Variants in BTBD9 observed in about 807,000 individuals in gnomAD.
The protein encoded by BTBD9 is BTB domain containing 9.
A neutral mutation model predicts 64.3 loss-of-function variants in BTBD9; 49 were observed. The observed-to-expected ratio is 0.76, with a 90% confidence interval of 0.61 to 0.97. The LOEUF (loss-of-function observed/expected upper bound fraction) is 0.97, where lower values mean the gene tolerates loss of function less well. Among genes scored for constraint, BTBD9 ranks in the 50% least tolerant of loss-of-function variants. The probability of loss-of-function intolerance (pLI) is 0.00; values close to 1 mark genes in which losing one functional copy is unlikely to be tolerated. For synonymous variants in BTBD9, 260 were observed against 274.7 expected, an observed-to-expected ratio of 0.95 and a Z score of 0.53; for missense variants, 598 against 762.1, an observed-to-expected ratio of 0.78 and a Z score of 2.53.
chr6:38,490,633 C>A (rs773984725), intron 6 of BTBD9, among the ~76,000 whole-genome samples: 9 of 152,052 alleles, frequency 5.9e-5, no homozygotes. Flanking sequence ...ACATCCAGTT[C>A]TAATGCTCAT....
intron 6 of BTBD9, among the ~76,000 whole-genome samples, chr6:38,438,248 GAGGA>G (rs201315745): frequency 1.3e-5 from 1 of 79,898 alleles, no homozygotes; most frequent in Non-Finnish European, 2.3e-5. Context: ...GGGAGGGAGG[GAGGA>G]AGGAAGGAAG....
intron 9 of BTBD9, among the ~76,000 whole-genome samples, chr6:38,198,937 C>T (rs988326723): frequency 6.6e-6 from 1 of 152,102 alleles, no homozygotes; most frequent in Non-Finnish European, 1.5e-5. Flanking sequence ...GGAATCACAC[C>T]ACAGAACCCT....
intron 7 of BTBD9, among the ~76,000 whole-genome samples, chr6:38,343,847 G>GGATTAGGTTTTAGACACAGCAGGTGTT (rs1221248185): frequency 6.6e-6 from 1 of 152,142 alleles, no homozygotes; most frequent in African/African-American, 2.4e-5. Context: ...TATAAGTAAA[G>GGATTAGGTTTTAGACACAGCAGGTGTT]GATTAGGTTT....
At chr6:38,474,301 T>C (rs1770783727) in intron 6 of BTBD9, among the ~76,000 whole-genome samples, 1 of 152,100 alleles carries the variant, frequency 6.6e-6, no homozygotes. Flanking sequence ...CGTGGGCGGA[T>C]CAACCGAGGT....
intron 7 of BTBD9, among the ~76,000 whole-genome samples, chr6:38,340,812 T>C (rs1582259073): frequency 6.6e-6 from 1 of 152,184 alleles, no homozygotes; most frequent in Non-Finnish European, 1.5e-5. Flanking sequence ...TAATCATCAA[T>C]GGATGTGAAC....
At chr6:38,611,855 C>T (rs1777627874) in intron 1 of BTBD9, among the ~76,000 whole-genome samples, 1 of 152,094 alleles carries the variant, frequency 6.6e-6, no homozygotes, top group Non-Finnish European at 1.5e-5. Flanking sequence ...TTGTATGTTT[C>T]TCATTTTTTT....
chr6:38,316,611 T>C (rs1335417532), intron 7 of BTBD9, among the ~76,000 whole-genome samples: 1 of 152,216 alleles, frequency 6.6e-6, no homozygotes, highest in Admixed American at 6.5e-5. Flanking sequence ...ACTTTTTAAC[T>C]TTCTGTGGTT....
chr6:38,292,460 G>A (rs918791098), intron 7 of BTBD9, among the ~76,000 whole-genome samples: 2 of 152,030 alleles, frequency 1.3e-5, no homozygotes, highest in Admixed American at 1.3e-4. Context: ...CTTTTTTTTG[G>A]TTGGTAGGCT....
chr6:38,587,862 T>C (rs1776610391), intron 4 of BTBD9: 1 of 721,710 alleles, frequency 1.4e-6, no homozygotes, highest in Non-Finnish European at 2.6e-6. Context: ...CAAGATGAAA[T>C]AAAAAATAAT....
At chr6:38,635,135 C>CT (rs56849074) in intron 1 of BTBD9, among the ~76,000 whole-genome samples, 47 of 146,670 alleles carry the variant, frequency 3.2e-4, no homozygotes, top group South Asian at 1.8e-3. Context: ...CCAGCTATTT[C>CT]TTTTTTTTTT....
intron 6 of BTBD9, among the ~76,000 whole-genome samples, chr6:38,484,303 G>A (rs1431493689): frequency 6.6e-6 from 1 of 152,184 alleles, no homozygotes; most frequent in African/African-American, 2.4e-5. Context: ...AATGTCTAAT[G>A]AGGATTAAAT....
chr6:38,295,078 G>A (rs959322068), intron 7 of BTBD9, among the ~76,000 whole-genome samples: 5 of 151,762 alleles, frequency 3.3e-5, no homozygotes, highest in Admixed American at 6.6e-5. Context: ...TTTTCAGGAT[G>A]CCAAGCTTTT....
intron 2 of BTBD9, among the ~76,000 whole-genome samples, chr6:38,596,898 G>C (rs1777055836): frequency 6.6e-6 from 1 of 152,128 alleles, no homozygotes; most frequent in Admixed American, 6.5e-5. Flanking sequence ...GGAAAAGTGT[G>C]CAGAGGACAG....
chr6:38,603,391 A>G (rs935653049), intron 1 of BTBD9, among the ~76,000 whole-genome samples: 2 of 152,246 alleles, frequency 1.3e-5, no homozygotes, highest in African/African-American at 4.8e-5. Context: ...TTGCCTGCTT[A>G]TTATTCAGTA....
Position 38,345,025 on chromosome 6 carries a change from A to G in BTBD9, c.1223T>C (p.Met408Thr), listed in dbSNP as rs776181098. Reference protein sequence around the residue: ...KIFHIVAFECMFTNKTFTLEK... With the variant: ...KIFHIVAFECTFTNKTFTLEK... ...AAGAGTGAAGGTTTTGTTTGTAAAC[A>G]TACATTCAAAAGCCACAATGTGAAA... The change falls in exon 7 of 11, where the codon ATG (methionine) becomes ACG (threonine). Residue 408 changes from methionine to threonine, a missense_variant. By Grantham distance (81) the Met-to-Thr change is moderately conservative (BLOSUM62 -1). Transcript: ENST00000481247. 2 of 1,610,896 alleles carry G rather than the reference A, an allele frequency of 1.2e-6. No homozygotes were observed. The highest frequency in any genetic ancestry group is 8.5e-7 in the Non-Finnish European group (1 of 1,177,798).
At chr6:38,402,831 GC>G in intron 6 of BTBD9, 2 of 701,232 alleles carry the variant, frequency 2.9e-6, no homozygotes, top group Non-Finnish European at 5.2e-6. Flanking sequence ...ACTTTGGAAG[GC>G]CAAGGAGGGA....
intron 6 of BTBD9, among the ~76,000 whole-genome samples, chr6:38,550,386 G>A (rs375438414): frequency 5.4e-5 from 8 of 148,016 alleles, no homozygotes; most frequent in African/African-American, 1.7e-4. Context: ...GTGTGATCTC[G>A]GCTCACTGCA....
intron 1 of BTBD9, among the ~76,000 whole-genome samples, chr6:38,603,596 A>C (rs1299747298): frequency 6.6e-6 from 1 of 152,256 alleles, no homozygotes; most frequent in Non-Finnish European, 1.5e-5. Context: ...ACCAGAGCTA[A>C]CTACATTTTT....
chr6:38,522,715 T>TC (rs1282628093), intron 6 of BTBD9, among the ~76,000 whole-genome samples: 30 of 152,200 alleles, frequency 2.0e-4, no homozygotes, highest in Admixed American at 1.9e-3. Context: ...TTCTTGAGTT[T>TC]CAGCCATCCA....
Sources: gnomAD v4.1 joint callset for allele counts (sites outside exome capture counted in the v4.1 genomes callset) on GRCh38, gnomAD v4.1.1 for gene constraint, MANE v1.5 for transcripts, NCBI Gene and HGNC (gene_info 2026-07-23, HGNC 2026-07-21) for gene names.